Variants in NINL observed in about 807,000 individuals in gnomAD.
NINL encodes the protein ninein like.
Under a neutral mutation model 160.3 loss-of-function variants are expected in NINL, and 153 were observed. The observed-to-expected ratio is 0.95, with a 90% confidence interval of 0.84 to 1.09. The LOEUF (loss-of-function observed/expected upper bound fraction) is 1.09, where lower values mean the gene tolerates loss of function less well. Among genes scored for constraint, NINL ranks in the 50% least tolerant of loss-of-function variants. The pLI, the probability that NINL is intolerant of heterozygous loss-of-function variation, is 0.00. For missense variants in NINL, 1,829 were observed against 1,764.0 expected, an observed-to-expected ratio of 1.04 and a Z score of -0.66; for synonymous variants, 800 against 734.8, an observed-to-expected ratio of 1.09 and a Z score of -1.43.
At chr20:25,479,534 C>T (rs2063342438) in intron 15 of NINL, among the ~76,000 whole-genome samples, 1 of 152,190 alleles carries the variant, frequency 6.6e-6, no homozygotes, top group African/African-American at 2.4e-5. Context: ...TGGCTCTGAA[C>T]AGCGTGGAGG....
chr20:25,455,594 T>C (rs747625323), intron 23 of NINL, 79 bp downstream of exon 23: 30 of 988,360 alleles, frequency 3.0e-5, no homozygotes, highest in Non-Finnish European at 4.6e-5. Flanking sequence ...TTTCCTGTAT[T>C]AGCTACCTGC....
At position 25,469,926 on chromosome 20, in the gene NINL, A is replaced by ATT; in HGVS notation, c.3353+64_3353+65insAA. 5.6e-6 allele frequency: 6 copies of ATT among 1,073,286 alleles called. No individual in the cohort carries two copies. In the South Asian group the frequency reaches 7.5e-5, roughly 13 times the overall value. The allele number at this position is 1,073,286 out of a possible 1,614,324, so 66.5% of individuals were successfully genotyped here. A position where few individuals can be genotyped will look rare whatever the true frequency, so the allele number is the denominator to read the frequency against. On this transcript the variant is annotated intron_variant, in intron 18 of 23. Coordinates refer to ENST00000278886, the MANE Select transcript of NINL (RefSeq NM_025176.6). ...TTCCCACTGTCTATATGGAGACTGC[A>ATT]TAAGGTCACTCTACGGAGGGCAAAA...
intron 2 of NINL, among the ~76,000 whole-genome samples, chr20:25,520,029 T>G (rs2064234991): frequency 6.1e-4 from 39 of 63,894 alleles, no homozygotes; most frequent in South Asian, 1.5e-3. Flanking sequence ...GGCCAGAGAG[T>G]ATGTATTGTG....
intron 1 of NINL, among the ~76,000 whole-genome samples, chr20:25,581,221 A>C (rs1047953651): frequency 1.3e-5 from 2 of 152,208 alleles, no homozygotes; most frequent in African/African-American, 4.8e-5. Flanking sequence ...AGGCAGGTGG[A>C]TCATTTGAGG....
At chr20:25,537,080 A>T (rs2064570254) in intron 1 of NINL, among the ~76,000 whole-genome samples, 1 of 152,036 alleles carries the variant, frequency 6.6e-6, no homozygotes. Flanking sequence ...CACTTTTTTT[A>T]AACTTTCTGA....
intron 14 of NINL, 99 bp downstream of exon 14, chr20:25,481,869 C>T: frequency 6.7e-7 from 1 of 1,495,076 alleles, no homozygotes; most frequent in Non-Finnish European, 9.0e-7. Flanking sequence ...GTCACAGCAA[C>T]ATCATCATCT....
intron 1 of NINL, among the ~76,000 whole-genome samples, chr20:25,578,288 G>A (rs1325266711): frequency 2.0e-5 from 3 of 149,868 alleles, no homozygotes; most frequent in African/African-American, 7.4e-5. Flanking sequence ...TTCTATTTTT[G>A]GTAGAGACGG....
In NINL at chr20:25,464,244, C is replaced by T. The variant is rs535182431; in HGVS notation, c.3424-1703G>A. Among the ~76,000 whole-genome samples, 16 of 152,234 alleles carry T rather than the reference C, an allele frequency of 1.1e-4. No homozygotes were observed. The South Asian group carries it at 1.9e-3, about 18-fold the overall frequency. ...CCAGCCTGGCCAACATGGCGAAACC[C>T]CATCTCCACTAAAAATACAAAAATT... On this transcript the variant is annotated intron_variant, in intron 19 of 23. Transcript: ENST00000278886.
chr20:25,503,771 T>C (rs183876820), intron 7 of NINL, among the ~76,000 whole-genome samples, 181 bp downstream of exon 7: 1 of 152,282 alleles, frequency 6.6e-6, no homozygotes, highest in Admixed American at 6.5e-5. Context: ...CCACCCCAAA[T>C]CTATGTGGCT....
chr20:25,474,282 C>A (rs559171147), intron 17 of NINL, among the ~76,000 whole-genome samples: 4 of 152,238 alleles, frequency 2.6e-5, no homozygotes, highest in African/African-American at 9.6e-5. Flanking sequence ...GATGGCCCTG[C>A]AGCCCTGCCA....
chr20:25,556,694 C>A (rs572324887), intron 1 of NINL, among the ~76,000 whole-genome samples: 13 of 152,144 alleles, frequency 8.5e-5, no homozygotes, highest in African/African-American at 2.9e-4. Context: ...ATGATCCCAA[C>A]TACGCGGGAG....
intron 7 of NINL, among the ~76,000 whole-genome samples, chr20:25,501,503 C>A (rs1276117245): frequency 1.3e-5 from 2 of 152,166 alleles, no homozygotes; most frequent in African/African-American, 4.8e-5. Context: ...ACCCCCAGAC[C>A]CTCAGAATGC....
At chr20:25,550,046 G>T (rs2064787880) in intron 1 of NINL, among the ~76,000 whole-genome samples, 1 of 152,192 alleles carries the variant, frequency 6.6e-6, no homozygotes, top group South Asian at 2.1e-4. Flanking sequence ...AAAGGAATTT[G>T]TCTCTCTTTC....
At position 25,533,836 on chromosome 20, in the gene NINL, T is replaced by C. The variant is rs139722215; in HGVS notation, c.-11-7238A>G. Among the ~76,000 whole-genome samples the C allele has an allele frequency of 1.4e-3, 208 of 152,348 alleles. 1 individual carries two copies. The highest frequency in any genetic ancestry group is 4.7e-3 in the African/African-American group (196 of 41,584). ...ACCTTAAATGTAAGACCTAAAACTA[T>C]AAAGCTTTTTATAGTTTTAACTAAA... On this transcript the variant is annotated intron_variant, in intron 1 of 23. Coordinates refer to ENST00000278886, the MANE Select transcript of NINL (RefSeq NM_025176.6).
rs149802729 is a variant in NINL, at chr20:25,533,538, A to C, written c.-11-6940T>G. On this transcript the variant is annotated intron_variant, in intron 1 of 23. Transcript: ENST00000278886. ...AGAGAGAAAAAAAGGGAAATTAAAA[A>C]TCAATTCCATACAGTAGTCAAATCA... Among the ~76,000 whole-genome samples the C allele has an allele frequency of 6.6e-5, 10 of 152,350 alleles. No homozygotes were observed. In the South Asian group the frequency reaches 1.9e-3, roughly 28 times the overall value.
At chr20:25,514,268 G>A (rs909580766) in intron 3 of NINL, among the ~76,000 whole-genome samples, 7 of 152,188 alleles carry the variant, frequency 4.6e-5, no homozygotes, top group African/African-American at 1.7e-4. Context: ...GCACCCTCTG[G>A]AACAAGCCAC....
At chr20:25,524,093 A>G (rs2064310765) in intron 2 of NINL, among the ~76,000 whole-genome samples, 1 of 152,194 alleles carries the variant, frequency 6.6e-6, no homozygotes, top group South Asian at 2.1e-4. Flanking sequence ...CGCTTCCCTT[A>G]AATCTCTGTA....
At chr20:25,558,740 C>T (rs1232825951) in intron 1 of NINL, among the ~76,000 whole-genome samples, 1 of 152,192 alleles carries the variant, frequency 6.6e-6, no homozygotes, top group African/African-American at 2.4e-5. Context: ...GGTCCTTGTT[C>T]CCTTCAGACT....
intron 16 of NINL, 33 bp downstream of exon 16, chr20:25,478,890 C>A: frequency 6.7e-7 from 1 of 1,484,664 alleles, no homozygotes; most frequent in Non-Finnish European, 8.9e-7. Flanking sequence ...CAAGAAACCC[C>A]AGACTTGAAA....
Sources: gnomAD v4.1 joint callset for allele counts (sites outside exome capture counted in the v4.1 genomes callset) on GRCh38, gnomAD v4.1.1 for gene constraint, MANE v1.5 for transcripts, NCBI Gene and HGNC (gene_info 2026-07-23, HGNC 2026-07-21) for gene names.